Variants in SLC1A2 observed in about 807,000 individuals in gnomAD.
SLC1A2 encodes solute carrier family 1 member 2, also known as excitatory amino acid transporter 2.
Under a neutral mutation model 48.8 loss-of-function variants are expected in SLC1A2, and 15 were observed. That is an observed-to-expected ratio of 0.31 (90% CI 0.21 to 0.47). SLC1A2 has a LOEUF of 0.47. Among genes scored for constraint, SLC1A2 ranks in the 20% least tolerant of loss-of-function variants. The probability of loss-of-function intolerance (pLI) is 0.99; values close to 1 mark genes in which losing one functional copy is unlikely to be tolerated. For missense variants in SLC1A2, 502 were observed against 730.5 expected (o/e 0.69, Z 3.61); for synonymous variants, 279 against 272.6 (o/e 1.02, Z -0.23).
rs1438935976 is a variant in SLC1A2 at position 35,315,132 on chromosome 11, T to C, written c.201A>G (p.Ala67=). 1 of 1,613,310 alleles carries C rather than the reference T, an allele frequency of 6.2e-7. No individual in the cohort carries two copies. Among genetic ancestry groups the C allele is most frequent in the Non-Finnish European group, 8.5e-7 (1 of 1,179,284 alleles). Reference sequence around the variant, plus strand: ...TAACCACATCAGGGTGGATGGGAGATGCCAAGCGAAGAAGCCCTCCACACA... The same window carrying C: ...TAACCACATCAGGGTGGATGGGAGACGCCAAGCGAAGAAGCCCTCCACACA... ...GAVCGGLLRL[A]SPIHPDVVML... Residue 67 remains alanine (A), a synonymous_variant, in exon 3 of 11, where the codon GCA becomes GCG. Coordinates refer to ENST00000278379, the MANE Select transcript of SLC1A2 (RefSeq NM_004171.4).
rs192867257 is a variant in SLC1A2, at chr11:35,351,756, C to T, written c.18-34240G>A. Among the ~76,000 whole-genome samples the T allele has an allele frequency of 2.8e-3, 433 of 152,304 alleles. 3 individuals carry two copies. The highest frequency in any genetic ancestry group is 1.0e-2 in the African/African-American group (414 of 41,572). On this transcript the variant is annotated intron_variant, in intron 1 of 10. Coordinates refer to ENST00000278379, the MANE Select transcript of SLC1A2 (RefSeq NM_004171.4). ...GCTCAAGCGATTCTCCTGCCTCAAT[C>T]TCCTGAGTAGCTGGGACTACAGGTG...
chr11:35,288,137 G>C (rs1343998060), intron 7 of SLC1A2, among the ~76,000 whole-genome samples: 1 of 152,154 alleles, frequency 6.6e-6, no homozygotes, highest in East Asian at 1.9e-4. Flanking sequence ...GAAGATTCCA[G>C]GGCCTATCCA....
chr11:35,269,469 G>A (rs1448378213), intron 9 of SLC1A2, among the ~76,000 whole-genome samples: 1 of 152,102 alleles, frequency 6.6e-6, no homozygotes, highest in East Asian at 1.9e-4. Context: ...TACCGTTTTT[G>A]GGGATAACTC....
At chr11:35,330,324 C>T (rs551864429) in intron 1 of SLC1A2, among the ~76,000 whole-genome samples, 5 of 152,336 alleles carry the variant, frequency 3.3e-5, no homozygotes, top group African/African-American at 1.2e-4. Context: ...CACTTTCAAC[C>T]TCCAGCACGT....
Position 35,312,351 on chromosome 11 carries a change from G to C in SLC1A2, c.408C>G (p.Val136=). 1.2e-6 allele frequency: 2 copies of C among 1,614,142 alleles called. No individual in the cohort carries two copies. The highest frequency in any genetic ancestry group is 1.1e-5 in the South Asian group (1 of 91,084). ...CTGGATGGATAGCCAAGACCAGAATGACCCCCAGTACTGCAGCAATGATGG... is the reference window on the plus strand; with the variant it reads ...CTGGATGGATAGCCAAGACCAGAATCACCCCCAGTACTGCAGCAATGATGG... ...STTIIAAVLG[V]ILVLAIHPGN... The change falls in exon 4 of 11, where the codon GTC becomes GTG. Residue 136 remains valine (V), a synonymous_variant. Coordinates refer to ENST00000278379, the MANE Select transcript of SLC1A2 (RefSeq NM_004171.4).
chr11:35,334,580 A>G (rs1468778726), intron 1 of SLC1A2, among the ~76,000 whole-genome samples: 1 of 152,188 alleles, frequency 6.6e-6, no homozygotes, highest in Non-Finnish European at 1.5e-5. Context: ...TTTAAGAATC[A>G]TTGATGACTG....
chr11:35,266,221 G>GA (rs1950481967), intron 9 of SLC1A2, among the ~76,000 whole-genome samples: 1 of 152,086 alleles, frequency 6.6e-6, no homozygotes, highest in African/African-American at 2.4e-5. Flanking sequence ...TTGTTTTACT[G>GA]AAAAACTTAC....
At chr11:35,282,517 T>C (rs10768124) in intron 8 of SLC1A2, among the ~76,000 whole-genome samples, 85,567 of 150,778 alleles carry the variant, frequency 0.57, 24,724 homozygotes, top group Middle Eastern at 0.65. Flanking sequence ...ACCCCCACCA[T>C]GCCCAGTGAA....
Position 35,257,005 on chromosome 11 carries a change from A to G in SLC1A2, c.*3889T>C, listed in dbSNP as rs1310633305. On this transcript the variant is annotated 3_prime_UTR_variant, in exon 11 of 11. Coordinates refer to ENST00000278379, the MANE Select transcript of SLC1A2 (RefSeq NM_004171.4). ...AAGCCTTGATTCTGACAAAAGTAAA[A>G]AAAACTATAACATCACTTTTGCTAT... 2 of 152,202 alleles carry G rather than the reference A, an allele frequency of 1.3e-5. No homozygotes were observed. The highest frequency in any genetic ancestry group is 2.9e-5 in the Non-Finnish European group (2 of 68,034). The allele number at this position is 152,202 out of a possible 1,614,324, so 9.4% of individuals were successfully genotyped here.
At chr11:35,314,395 A>G (rs1047191336) in intron 3 of SLC1A2, among the ~76,000 whole-genome samples, 2 of 152,010 alleles carry the variant, frequency 1.3e-5, no homozygotes, top group African/African-American at 2.4e-5. Flanking sequence ...AACAAAATAT[A>G]ATTTAGAAAG....
intron 1 of SLC1A2, among the ~76,000 whole-genome samples, chr11:35,336,720 C>T (rs1852646858): frequency 6.6e-6 from 1 of 152,190 alleles, no homozygotes; most frequent in South Asian, 2.1e-4. Flanking sequence ...TAGGACTATG[C>T]TCAAGTAACT....
In SLC1A2 at chr11:35,255,618, G is replaced by A. The variant is rs1167316014; in HGVS notation, c.*5276C>T. ...CCATACTGGGTGGGCAATTAGAATTGTTGGAGAAAATTGTGTGTTTTGGGT... is the reference window on the plus strand; with the variant it reads ...CCATACTGGGTGGGCAATTAGAATTATTGGAGAAAATTGTGTGTTTTGGGT... On this transcript the variant is annotated 3_prime_UTR_variant, in exon 11 of 11. Transcript: ENST00000278379. 5 of 152,348 alleles carry A rather than the reference G, an allele frequency of 3.3e-5. No individual in the cohort carries two copies. Among genetic ancestry groups the A allele is most frequent in the Admixed American group, 6.5e-5 (1 of 15,294 alleles). 9.4% of individuals were successfully genotyped at this position (152,348 alleles called of 1,614,324 possible). A position where few individuals can be genotyped will look rare whatever the true frequency, so the allele number is the denominator to read the frequency against.
At chr11:35,407,422 C>T (rs1255395114) in intron 1 of SLC1A2, among the ~76,000 whole-genome samples, 1 of 152,208 alleles carries the variant, frequency 6.6e-6, no homozygotes, top group African/African-American at 2.4e-5. Flanking sequence ...ATTAATCAAG[C>T]CCTTCCCTTA....
chr11:35,326,596 T>C (rs1039921891), intron 1 of SLC1A2, among the ~76,000 whole-genome samples: 1 of 152,256 alleles, frequency 6.6e-6, no homozygotes, highest in Non-Finnish European at 1.5e-5. Flanking sequence ...GTCTCTTTTT[T>C]CTTCCTTCTA....
chr11:35,381,866 C>T (rs1327686056), intron 1 of SLC1A2, among the ~76,000 whole-genome samples: 1 of 152,198 alleles, frequency 6.6e-6, no homozygotes, highest in Non-Finnish European at 1.5e-5. Context: ...ATTTCATGTT[C>T]TGCAACAATG....
chr11:35,384,821 A>T (rs749829016), intron 1 of SLC1A2, among the ~76,000 whole-genome samples: 3 of 152,228 alleles, frequency 2.0e-5, no homozygotes, highest in Non-Finnish European at 4.4e-5. Flanking sequence ...GAAACCCAAT[A>T]ATCAACCCCT....
intron 1 of SLC1A2, chr11:35,399,606 G>A: frequency 1.0e-6 from 1 of 984,476 alleles, no homozygotes. Flanking sequence ...GATAGATGAT[G>A]CGTTTTCCAT....
intron 2 of SLC1A2, chr11:35,315,935 C>A (rs1851862087): frequency 6.6e-6 from 1 of 152,196 alleles, no homozygotes; most frequent in Non-Finnish European, 1.5e-5. Flanking sequence ...CTCATTGTAA[C>A]TGGAGGCAAG....
At chr11:35,383,191 A>G (rs1349670656) in intron 1 of SLC1A2, among the ~76,000 whole-genome samples, 2 of 152,338 alleles carry the variant, frequency 1.3e-5, no homozygotes, top group Middle Eastern at 3.4e-3. Context: ...GCATAATCCT[A>G]AAAGAAAAAA....
Sources: allele counts gnomAD v4.1 joint callset (sites outside exome capture counted in the v4.1 genomes callset), GRCh38; gene constraint gnomAD v4.1.1; transcripts MANE v1.5; gene names NCBI Gene and HGNC (gene_info 2026-07-23, HGNC 2026-07-21).